The following AUTS2 variants were observed in gnomAD, a reference collection of about 807,000 sequenced individuals.
The protein encoded by AUTS2 is autism susceptibility gene 2 protein.
A neutral mutation model predicts 112.4 loss-of-function variants in AUTS2; 17 were observed. The observed-to-expected ratio is 0.15, with a 90% CI of 0.10 to 0.23. AUTS2 has a LOEUF of 0.23. Among genes scored for constraint, AUTS2 ranks in the 10% least tolerant of loss-of-function variants. The pLI, the probability that AUTS2 is intolerant of heterozygous loss-of-function variation, is 1.00. For synonymous variants in AUTS2, 751 were observed against 702.7 expected (o/e 1.07, Z -1.09); for missense variants, 1,510 against 1,701.6 (o/e 0.89, Z 1.98).
intron 4 of AUTS2, among the ~76,000 whole-genome samples, chr7:70,300,085 C>A (rs996482861): frequency 7.9e-5 from 12 of 152,040 alleles, no homozygotes; most frequent in Admixed American, 6.6e-4. Context: ...ATGTGTATAT[C>A]AAGTGTCTTT....
intron 4 of AUTS2, among the ~76,000 whole-genome samples, chr7:70,287,992 A>C (rs1788541619): frequency 6.6e-6 from 1 of 152,184 alleles, no homozygotes; most frequent in Non-Finnish European, 1.5e-5. Context: ...CTACAGCTGA[A>C]GGAAGAGAAT....
At chr7:69,949,649 T>C (rs1796951936) in intron 2 of AUTS2, among the ~76,000 whole-genome samples, 1 of 152,224 alleles carries the variant, frequency 6.6e-6, no homozygotes, top group African/African-American at 2.4e-5. Context: ...ATGTTCCTAA[T>C]GTTATCAGGA....
chr7:70,707,304 T>G (rs1809792305), intron 6 of AUTS2, among the ~76,000 whole-genome samples: 1 of 152,236 alleles, frequency 6.6e-6, no homozygotes. Context: ...TATTGTTCAC[T>G]TTATATGTAA....
intron 4 of AUTS2, among the ~76,000 whole-genome samples, chr7:70,157,882 C>T (rs888447162): frequency 2.0e-5 from 3 of 152,174 alleles, no homozygotes; most frequent in Admixed American, 1.3e-4. Context: ...CATGGCCTTA[C>T]AATGGGAGTG....
chr7:70,578,419 C>G (rs1345197981), intron 5 of AUTS2, among the ~76,000 whole-genome samples: 1 of 152,228 alleles, frequency 6.6e-6, no homozygotes, highest in Non-Finnish European at 1.5e-5. Context: ...TTTTCTGTCC[C>G]TAGTTTCTCC....
chr7:69,987,723 G>A (rs1196911169), intron 2 of AUTS2, among the ~76,000 whole-genome samples: 1 of 152,112 alleles, frequency 6.6e-6, no homozygotes, highest in African/African-American at 2.4e-5. Context: ...CCCTGCCTTG[G>A]CTTCCCAAAG....
intron 4 of AUTS2, among the ~76,000 whole-genome samples, chr7:70,383,007 A>G (rs1223687198): frequency 6.6e-6 from 1 of 152,206 alleles, no homozygotes; most frequent in Non-Finnish European, 1.5e-5. Context: ...ATATTTTTCC[A>G]GAACTGAGAT....
Position 70,790,787 on chromosome 7 carries a change from A to G in AUTS2, c.3571A>G (p.Ser1191Gly), listed in dbSNP as rs1585703961. 7 of 1,553,218 alleles carry G rather than the reference A, an allele frequency of 4.5e-6. No individual in the cohort carries two copies. Among genetic ancestry groups the G allele is most frequent in the Non-Finnish European group, 6.1e-6 (7 of 1,145,010 alleles). Residue 1191 changes from serine to glycine, a missense_variant, in exon 19 of 19, where the codon AGC becomes GGC. By Grantham distance (56) the Ser-to-Gly change is moderately conservative (BLOSUM62 0). Coordinates refer to ENST00000342771, the MANE Select transcript of AUTS2 (RefSeq NM_015570.4). This position sits in a 1 kb window ranked among gnomAD's most constrained non-coding sequence, Gnocchi z 7.6. Reference protein sequence around the residue: ...HPSLITPGLPSMHYPRISPTA... With the variant: ...HPSLITPGLPGMHYPRISPTA... ...CAGCCTCATCACCCCGGGACTCCCC[A>G]GCATGCACTATCCCCGCATCAGCCC...
intron 2 of AUTS2, among the ~76,000 whole-genome samples, chr7:70,089,712 T>A (rs1160085486): frequency 6.6e-6 from 1 of 152,096 alleles, no homozygotes; most frequent in East Asian, 1.9e-4. Flanking sequence ...TAAAAATCAG[T>A]TGAGTATTTT....
intron 6 of AUTS2, among the ~76,000 whole-genome samples, chr7:70,700,259 C>T (rs1809378859): frequency 6.6e-6 from 1 of 152,146 alleles, no homozygotes; most frequent in Non-Finnish European, 1.5e-5. Context: ...CTCCCCCTGA[C>T]AGGGTGCCTT....
intron 4 of AUTS2, among the ~76,000 whole-genome samples, chr7:70,323,515 G>C (rs1226902270): frequency 6.6e-6 from 1 of 152,156 alleles, no homozygotes; most frequent in Non-Finnish European, 1.5e-5. Flanking sequence ...TGAGGAAGCA[G>C]ACCTCTTAGA....
At chr7:69,968,028 C>T (rs773559275) in intron 2 of AUTS2, among the ~76,000 whole-genome samples, 8 of 152,094 alleles carry the variant, frequency 5.3e-5, no homozygotes, top group African/African-American at 9.7e-5. Context: ...GACTCTGTTC[C>T]GGAGGCATGA....
intron 1 of AUTS2, among the ~76,000 whole-genome samples, chr7:69,760,830 A>G (rs1788156213): frequency 1.3e-5 from 2 of 152,196 alleles, no homozygotes; most frequent in South Asian, 4.1e-4. Context: ...AAAAAATAAT[A>G]ATAATAATTA....
In AUTS2 at chr7:70,790,248, C is replaced by T. The variant is rs1445624768; in HGVS notation, c.3032C>T (p.Ser1011Leu). 6 of 1,612,914 alleles carry T rather than the reference C, an allele frequency of 3.7e-6. No individual in the cohort carries two copies. The highest frequency in any genetic ancestry group is 2.7e-5 in the African/African-American group (2 of 75,044). ...RASEPPPPNS[S>L]SSVHPGPLAS... ...TCGGAGCCGCCGCCTCCCAACTCCT[C>T]GTCCAGCGTGCACCCGGGGCCCCTG... The change falls in exon 19 of 19, where the codon TCG becomes TTG. Residue 1011 changes from serine to leucine, a missense_variant. Ser to Leu is a moderately radical substitution (Grantham distance 145, BLOSUM62 -2). Coordinates refer to ENST00000342771, the MANE Select transcript of AUTS2 (RefSeq NM_015570.4). The surrounding 1 kb of genome is among the most constrained non-coding windows in gnomAD (Gnocchi z 7.6).
chr7:70,324,478 T>A (rs1396880644), intron 4 of AUTS2, among the ~76,000 whole-genome samples: 1 of 151,984 alleles, frequency 6.6e-6, no homozygotes. Flanking sequence ...TAAAATTGAC[T>A]GGGTGGGGTG....
chr7:70,353,901 T>C (rs1239714799), intron 4 of AUTS2, among the ~76,000 whole-genome samples: 2 of 152,250 alleles, frequency 1.3e-5, no homozygotes, highest in African/African-American at 4.8e-5. Context: ...CTTGGCATTT[T>C]CTTTTACTGG....
At chr7:69,720,741 C>G (rs888272117) in intron 1 of AUTS2, among the ~76,000 whole-genome samples, 2 of 152,062 alleles carry the variant, frequency 1.3e-5, no homozygotes, top group African/African-American at 4.8e-5. Context: ...GGAAATTCTG[C>G]CTAAGAAGTC....
At chr7:70,607,550 T>C (rs1803849598) in intron 5 of AUTS2, among the ~76,000 whole-genome samples, 1 of 152,192 alleles carries the variant, frequency 6.6e-6, no homozygotes. Flanking sequence ...AGATGGTGGA[T>C]GCTGGGTGAT....
intron 4 of AUTS2, among the ~76,000 whole-genome samples, chr7:70,396,486 C>T (rs1794091372): frequency 6.6e-6 from 1 of 152,068 alleles, no homozygotes; most frequent in Non-Finnish European, 1.5e-5. Context: ...AAGCCATCCC[C>T]CTGCCTCAGT....
Sources: gnomAD v4.1 joint callset for allele counts (sites outside exome capture counted in the v4.1 genomes callset) on GRCh38, gnomAD v4.1.1 for gene constraint, Gnocchi (gnomAD v3.1) non-coding constraint, MANE v1.5 for transcripts, NCBI Gene and HGNC (gene_info 2026-07-23, HGNC 2026-07-21) for gene names.